Variants in B3GALNT2 observed in about 807,000 individuals in gnomAD.
B3GALNT2 encodes the protein UDP-GalNAc:beta-1,3-N-acetylgalactosaminyltransferase 2.
Under a neutral mutation model 61.1 loss-of-function variants are expected in B3GALNT2, and 53 were observed. The ratio of observed to expected loss-of-function variants is 0.87; its 90% CI spans 0.70 to 1.09. The LOEUF (loss-of-function observed/expected upper bound fraction) is 1.09. B3GALNT2 is among the 50% of genes least tolerant of loss of function. The pLI, the probability that B3GALNT2 is intolerant of heterozygous loss-of-function variation, is 0.00. For synonymous variants in B3GALNT2, 223 were observed against 237.4 expected, an observed-to-expected ratio of 0.94 and a Z score of 0.56; for missense variants, 544 against 623.0, an observed-to-expected ratio of 0.87 and a Z score of 1.35.
intron 1 of B3GALNT2, among the ~76,000 whole-genome samples, chr1:235,495,066 T>C (rs1685254488): frequency 6.6e-6 from 1 of 152,186 alleles, no homozygotes; most frequent in South Asian, 2.1e-4. Context: ...CTCACGTAAG[T>C]ATACTAATTC....
chr1:235,485,679 T>G (rs923420633), intron 3 of B3GALNT2, among the ~76,000 whole-genome samples: 1 of 152,240 alleles, frequency 6.6e-6, no homozygotes, highest in Non-Finnish European at 1.5e-5. Context: ...CAGTGCTACT[T>G]TAATAATATA....
chr1:235,474,485 G>A (rs1684144402), intron 5 of B3GALNT2, among the ~76,000 whole-genome samples: 1 of 152,022 alleles, frequency 6.6e-6, no homozygotes, highest in Admixed American at 6.6e-5. Flanking sequence ...CTTGTGGATT[G>A]GAGAAATGAC....
intron 7 of B3GALNT2, chr1:235,464,991 G>T (rs1683615968): frequency 6.6e-6 from 1 of 152,180 alleles, no homozygotes; most frequent in Non-Finnish European, 1.5e-5. Context: ...TGTAAAGTGG[G>T]CTGCTGCTTT....
chr1:235,483,709 T>C (rs370743871), intron 4 of B3GALNT2, among the ~76,000 whole-genome samples: 2 of 151,180 alleles, frequency 1.3e-5, no homozygotes, highest in East Asian at 3.8e-4. Flanking sequence ...TGTTGTAGAA[T>C]GTAGTTAGTG....
At chr1:235,481,528 G>T (rs1441805849) in intron 4 of B3GALNT2, among the ~76,000 whole-genome samples, 3 of 152,050 alleles carry the variant, frequency 2.0e-5, no homozygotes, top group Admixed American at 1.3e-4. Flanking sequence ...ATTTTTTGTA[G>T]AGATGGGGTC....
intron 8 of B3GALNT2, 46 bp from the exon 9 acceptor site, chr1:235,455,730 A>C (rs1174118284): frequency 1.3e-6 from 2 of 1,566,542 alleles, no homozygotes; most frequent in African/African-American, 2.7e-5. Flanking sequence ...CCAAACAAAC[A>C]AACACCAATG....
At chr1:235,458,919 A>T in intron 7 of B3GALNT2, 133 bp from the exon 8 acceptor site, 1 of 818,910 alleles carries the variant, frequency 1.2e-6, no homozygotes, top group Middle Eastern at 3.6e-4. Flanking sequence ...AACTTTAGGT[A>T]GAAAAATGGG....
chr1:235,467,114 G>A (rs952927899), intron 6 of B3GALNT2, among the ~76,000 whole-genome samples: 3 of 152,046 alleles, frequency 2.0e-5, no homozygotes, highest in African/African-American at 7.2e-5. Context: ...TTTGGGAGGC[G>A]GAGGCGGGCG....
At chr1:235,457,521 A>G (rs1205898194) in intron 8 of B3GALNT2, among the ~76,000 whole-genome samples, 1 of 152,160 alleles carries the variant, frequency 6.6e-6, no homozygotes, top group African/African-American at 2.4e-5. Flanking sequence ...GTATGTTACT[A>G]TTATTATATA....
chr1:235,487,219 A>G (rs1427974523), intron 3 of B3GALNT2, among the ~76,000 whole-genome samples: 1 of 152,038 alleles, frequency 6.6e-6, no homozygotes, highest in East Asian at 1.9e-4. Context: ...TCCCCAGCAC[A>G]CAATTCATAC....
intron 1 of B3GALNT2, among the ~76,000 whole-genome samples, chr1:235,497,068 C>T (rs1289076063): frequency 1.3e-5 from 2 of 152,158 alleles, no homozygotes; most frequent in African/African-American, 2.4e-5. Context: ...TCATTGAATA[C>T]GCTGGGTAAC....
rs1553347936 is a variant in B3GALNT2, at chr1:235,470,962, T to C, written c.652-2A>G. ...CCACACGATTGTACCTTCAAAGCTC[T>C]TTTGTAGAAAGATGAATAGTGAGTC... On this transcript the variant is annotated splice_acceptor_variant, in intron 5 of 11. Coordinates refer to ENST00000366600, the MANE Select transcript of B3GALNT2 (RefSeq NM_152490.5). LOFTEE classifies it high-confidence loss of function. The C allele has an allele frequency of 6.2e-7, 1 of 1,613,578 alleles. No homozygotes were observed. Among genetic ancestry groups the C allele is most frequent in the Non-Finnish European group, 8.5e-7 (1 of 1,179,714 alleles).
At position 235,453,116 on chromosome 1, in the gene B3GALNT2, C is replaced by T. The variant is rs1683004481; in HGVS notation, c.1342G>A (p.Ala448Thr). ...GEDVSMGIWMAAIGPKRYQDS... is the reference protein window; with the variant it reads ...GEDVSMGIWMTAIGPKRYQDS... ...TGGTATCTTTTAGGTCCTATGGCAGCCATCCAGATGCCCATGCTTACATCT... is the reference window on the plus strand; with the variant it reads ...TGGTATCTTTTAGGTCCTATGGCAGTCATCCAGATGCCCATGCTTACATCT... The change falls in exon 11 of 12, where the codon GCT (alanine) becomes ACT (threonine). Residue 448 changes from alanine to threonine, a missense_variant. By Grantham distance (58) the Ala-to-Thr change is moderately conservative. Coordinates refer to ENST00000366600, the MANE Select transcript of B3GALNT2 (RefSeq NM_152490.5). 1 of 1,613,110 alleles carries T rather than the reference C, an allele frequency of 6.2e-7. No individual in the cohort carries two copies. The highest frequency in any genetic ancestry group is 1.7e-5 in the Admixed American group (1 of 59,994).
Position 235,484,374 on chromosome 1 carries a change from T to TCATTGG in B3GALNT2, c.497_502dup (p.Ala166_Asn167dup), listed in dbSNP as rs1684699410. The TCATTGG allele has an allele frequency of 6.2e-7, 1 of 1,614,028 alleles. No homozygotes were observed. Among genetic ancestry groups the TCATTGG allele is most frequent in the South Asian group, 1.1e-5 (1 of 91,078 alleles). On this transcript the variant is annotated inframe_insertion, in exon 4 of 12. Transcript: ENST00000366600. ...AGTGATGTTCCTCTGGAAACCCACA[T>TCATTGG]CATTGGCATCGTAGAACACTCCAAG...
intron 5 of B3GALNT2, chr1:235,479,818 G>T: frequency 7.2e-6 from 3 of 415,754 alleles, no homozygotes; most frequent in Non-Finnish European, 1.2e-5. Flanking sequence ...AATAAACTAC[G>T]GAAACATGCA....
chr1:235,448,593 T>C lies in B3GALNT2; in HGVS notation c.*1613A>G. The C allele has an allele frequency of 1.4e-6, 2 of 1,400,240 alleles. No individual in the cohort carries two copies. Among genetic ancestry groups the C allele is most frequent in the Non-Finnish European group, 2.0e-6 (2 of 985,840 alleles). 86.7% of individuals were successfully genotyped at this position (1,400,240 alleles called of 1,614,324 possible). On this transcript the variant is annotated 3_prime_UTR_variant, in exon 12 of 12. Transcript: ENST00000366600. ...GGTAAGCTACTGCCTGGGGACGGGG[T>C]GGGGGAAGAGTATGTGTAGCATGCT...
At chr1:235,504,107 G>A (rs1383958350) in intron 1 of B3GALNT2, 34 bp downstream of exon 1, 1 of 1,204,210 alleles carries the variant, frequency 8.3e-7, no homozygotes. Context: ...CACCCCCCCG[G>A]CGGCCGCCAA....
chr1:235,458,900 G>GT (rs1683290546), intron 7 of B3GALNT2, 114 bp from the exon 8 acceptor site: 1 of 960,748 alleles, frequency 1.0e-6, no homozygotes, highest in South Asian at 2.3e-5. Flanking sequence ...AACACATGCA[G>GT]TTGTTTGGAA....
At chr1:235,464,453 C>T (rs1272264142) in intron 7 of B3GALNT2, 2 of 146,762 alleles carry the variant, frequency 1.4e-5, no homozygotes, top group African/African-American at 5.0e-5. Flanking sequence ...TCACCACCTT[C>T]TCCCTCTCTC....
Sources: gnomAD v4.1 joint callset for allele counts (sites outside exome capture counted in the v4.1 genomes callset) on GRCh38, gnomAD v4.1.1 for gene constraint, MANE v1.5 for transcripts, NCBI Gene and HGNC (gene_info 2026-07-23, HGNC 2026-07-21) for gene names.